The following ZNF516 variants were observed in gnomAD, a reference collection of about 807,000 sequenced individuals.
ZNF516 encodes the protein zinc finger protein 516.
Under a neutral mutation model 79.7 loss-of-function variants are expected in ZNF516, and 19 were observed. The observed-to-expected ratio is 0.24, with a 90% confidence interval of 0.17 to 0.35. The LOEUF is 0.35. Ranked by LOEUF, ZNF516 falls within the 10% of genes least tolerant of loss-of-function variation. The probability of loss-of-function intolerance (pLI) is 1.00; values close to 1 mark genes in which losing one functional copy is unlikely to be tolerated. For synonymous variants in ZNF516, 877 were observed against 739.5 expected (o/e 1.19, Z -3.02); for missense variants, 1,678 against 1,679.5 (o/e 1.00, Z 0.02).
At position 76,467,409 on chromosome 18, in the gene ZNF516, T is replaced by TC. The variant is rs1913552371; in HGVS notation, c.-271-4269dup. Among the ~76,000 whole-genome samples the TC allele has an allele frequency of 6.6e-6, 1 of 152,100 alleles. No individual in the cohort carries two copies. The highest frequency in any genetic ancestry group is 2.4e-5 in the African/African-American group (1 of 41,410). ...GGCAGGAAGTCCTGCGTGTCTCTTGTCCCAGAGAGGAAATGATTTGGGCAA... is the reference window on the plus strand; with the variant it reads ...GGCAGGAAGTCCTGCGTGTCTCTTGTCCCCAGAGAGGAAATGATTTGGGCAA... On this transcript the variant is annotated intron_variant, in intron 1 of 6. Transcript: ENST00000443185. This position sits in a 1 kb window ranked among gnomAD's most constrained non-coding sequence, Gnocchi z 4.2.
intron 3 of ZNF516, among the ~76,000 whole-genome samples, chr18:76,401,866 C>T (rs9950257): frequency 0.81 from 4,074 of 5,004 alleles, 1,727 homozygotes; most frequent in Admixed American, 0.83. Context: ...GCGCCGCACC[C>T]CTCCACTACT....
At chr18:76,484,155 T>C (rs1387906326) in intron 1 of ZNF516, among the ~76,000 whole-genome samples, 1 of 152,186 alleles carries the variant, frequency 6.6e-6, no homozygotes, top group Non-Finnish European at 1.5e-5. Flanking sequence ...ATTCTGTGCA[T>C]TCAGCACAGC....
At chr18:76,412,308 C>T (rs945201308) in intron 3 of ZNF516, among the ~76,000 whole-genome samples, 6 of 152,100 alleles carry the variant, frequency 3.9e-5, no homozygotes, top group Non-Finnish European at 7.4e-5. Flanking sequence ...ACAGAGGGGA[C>T]GTACACGGCA....
chr18:76,399,785 C>T (rs2075193812), intron 3 of ZNF516, among the ~76,000 whole-genome samples: 1 of 152,140 alleles, frequency 6.6e-6, no homozygotes, highest in Non-Finnish European at 1.5e-5. Flanking sequence ...TGGGTGACAT[C>T]GTCCATTCAA....
At chr18:76,365,610 A>T (rs774043694) in intron 6 of ZNF516, among the ~76,000 whole-genome samples, 1 of 152,206 alleles carries the variant, frequency 6.6e-6, no homozygotes, top group Non-Finnish European at 1.5e-5. Flanking sequence ...TTTAAACGAC[A>T]ACATGCATGA....
chr18:76,490,660 A>C, intron 1 of ZNF516: 1 of 555,046 alleles, frequency 1.8e-6, no homozygotes, highest in Non-Finnish European at 2.3e-6. Flanking sequence ...GTGAACGTAC[A>C]TCACTCAGCT....
rs992356834 is a variant in ZNF516, at chr18:76,379,529, C to T, written c.2585G>A (p.Ser862Asn). Residue 862 changes from serine to asparagine, a missense_variant, in exon 4 of 7, where the codon AGC (serine) becomes AAC (asparagine). Physicochemically the swap from Ser to Asn is conservative, Grantham distance 46. Transcript: ENST00000443185. ...ATGGCTCTCCTTATTCTTAGGCATG[C>T]TAGCGGCTTTTGTGACCACTCCCAG... ...SPLGVVTKAA[S>N]MPKNKESHSG... 3.1e-6 allele frequency: 5 copies of T among 1,613,758 alleles called. No individual in the cohort carries two copies. The highest frequency in any genetic ancestry group is 4.2e-6 in the Non-Finnish European group (5 of 1,179,906).
chr18:76,422,459 T>C (rs765563164), intron 3 of ZNF516, among the ~76,000 whole-genome samples: 12 of 152,206 alleles, frequency 7.9e-5, no homozygotes, highest in Non-Finnish European at 1.5e-4. Context: ...TTCAGAAATA[T>C]AGGTCAAAAG....
chr18:76,447,399 G>A (rs1021897844), intron 2 of ZNF516, among the ~76,000 whole-genome samples: 5 of 152,214 alleles, frequency 3.3e-5, no homozygotes, highest in Admixed American at 6.5e-5. Flanking sequence ...GAGCAGCGCC[G>A]TGTGATAAAG....
intron 2 of ZNF516, among the ~76,000 whole-genome samples, chr18:76,452,178 G>C (rs973993840): frequency 6.6e-6 from 1 of 152,230 alleles, no homozygotes; most frequent in Non-Finnish European, 1.5e-5. Flanking sequence ...GCCGCCAGCA[G>C]CAACGCGGCC....
chr18:76,367,898 T>C (rs1396632114), intron 6 of ZNF516, among the ~76,000 whole-genome samples: 1 of 152,226 alleles, frequency 6.6e-6, no homozygotes, highest in African/African-American at 2.4e-5. Flanking sequence ...ATTATGTATA[T>C]CTATAAAAGT....
At chr18:76,384,417 C>G (rs1376994175) in intron 3 of ZNF516, among the ~76,000 whole-genome samples, 1 of 124,380 alleles carries the variant, frequency 8.0e-6, no homozygotes, top group African/African-American at 3.1e-5. Context: ...TAGCCCCCAC[C>G]ACTCCCTCCA....
At chr18:76,437,479 T>C (rs1264769770) in intron 3 of ZNF516, among the ~76,000 whole-genome samples, 1 of 152,178 alleles carries the variant, frequency 6.6e-6, no homozygotes, top group Non-Finnish European at 1.5e-5. Context: ...CCTTGATTCT[T>C]CAAATTGCAT....
At chr18:76,426,540 T>A (rs948494363) in intron 3 of ZNF516, among the ~76,000 whole-genome samples, 9 of 152,116 alleles carry the variant, frequency 5.9e-5, no homozygotes, top group Non-Finnish European at 1.0e-4. Flanking sequence ...ACTTTTTTTT[T>A]AAAGTATTTA....
rs1263472456 is a variant in ZNF516 at position 76,358,236 on chromosome 18, AAT to A, written c.*4260_*4261del. ...ATTTATTTCAAATTCCAATAGAATG[AAT>A]ATGTTTTATCTAAATATTTTTATCA... is the stretch of plus-strand genomic sequence containing the variant. On this transcript the variant is annotated 3_prime_UTR_variant, in exon 7 of 7. Coordinates refer to ENST00000443185, the MANE Select transcript of ZNF516 (RefSeq NM_014643.4). 1 of 152,278 alleles carries A rather than the reference AAT, an allele frequency of 6.6e-6. No individual in the cohort carries two copies. Among genetic ancestry groups the A allele is most frequent in the Non-Finnish European group, 1.5e-5 (1 of 68,046 alleles). 9.4% of individuals were successfully genotyped at this position (152,278 alleles called of 1,614,324 possible).
chr18:76,370,258 G>A (rs2074680405), intron 6 of ZNF516, among the ~76,000 whole-genome samples: 2 of 152,124 alleles, frequency 1.3e-5, no homozygotes, highest in African/African-American at 4.8e-5. Flanking sequence ...TGCAGTCACC[G>A]CCAGTCTATC....
intron 1 of ZNF516, chr18:76,490,074 T>A (rs1915073784): frequency 4.4e-6 from 3 of 688,916 alleles, no homozygotes; most frequent in Admixed American, 6.3e-5. Context: ...AGAAAAACAT[T>A]AGACATGCTT....
chr18:76,401,659 A>C (rs1333964362), intron 3 of ZNF516, among the ~76,000 whole-genome samples: 1 of 151,840 alleles, frequency 6.6e-6, no homozygotes, highest in Non-Finnish European at 1.5e-5. Flanking sequence ...TCCTGGGGCA[A>C]GGTGAGCCCG....
chr18:76,368,546 C>G (rs921985094), intron 6 of ZNF516, among the ~76,000 whole-genome samples: 3 of 151,842 alleles, frequency 2.0e-5, no homozygotes, highest in African/African-American at 4.8e-5. Context: ...ATCTTCACAC[C>G]AACAGTTAAT....
Sources: gnomAD v4.1 joint callset for allele counts (sites outside exome capture counted in the v4.1 genomes callset) on GRCh38, gnomAD v4.1.1 for gene constraint, Gnocchi (gnomAD v3.1) non-coding constraint, MANE v1.5 for transcripts, NCBI Gene and HGNC (gene_info 2026-07-23, HGNC 2026-07-21) for gene names.